EIF2B1: variants seen among roughly 807,000 people sequenced by gnomAD.
EIF2B1 encodes eukaryotic translation initiation factor 2B subunit alpha, also known as translation initiation factor eIF2B subunit alpha.
A neutral mutation model predicts 36.8 loss-of-function variants in EIF2B1; 30 were observed. The ratio of observed to expected loss-of-function variants is 0.81; its 90% CI spans 0.61 to 1.10. The LOEUF (loss-of-function observed/expected upper bound fraction) is 1.10. Ranked by LOEUF, EIF2B1 falls within the 50% of genes least tolerant of loss-of-function variation. EIF2B1 has a pLI of 0.00. For synonymous variants in EIF2B1, 139 were observed against 142.2 expected, an observed-to-expected ratio of 0.98 and a Z score of 0.16; for missense variants, 271 against 374.8, an observed-to-expected ratio of 0.72 and a Z score of 2.29.
intron 7 of EIF2B1, among the ~76,000 whole-genome samples, chr12:123,623,276 C>CT: frequency 6.6e-6 from 1 of 151,878 alleles, no homozygotes; most frequent in Non-Finnish European, 1.5e-5. Flanking sequence ...ATCCCAGCTA[C>CT]TAGGGAGGCT....
At chr12:123,624,162 G>A (rs1321388847) in intron 7 of EIF2B1, among the ~76,000 whole-genome samples, 1 of 149,188 alleles carries the variant, frequency 6.7e-6, no homozygotes, top group Non-Finnish European at 1.5e-5. Flanking sequence ...GTATATATAT[G>A]CATAAATAAA....
intron 6 of EIF2B1, among the ~76,000 whole-genome samples, 153 bp from the exon 7 acceptor site, chr12:123,625,015 T>C (rs1955137907): frequency 6.6e-6 from 1 of 152,152 alleles, no homozygotes; most frequent in Admixed American, 6.5e-5. Flanking sequence ...GATAGACCCC[T>C]GGCATTGTTA....
Position 123,621,438 on chromosome 12 carries a change from G to T in EIF2B1, c.*318C>A. The T allele has an allele frequency of 2.6e-6, 1 of 387,482 alleles. No individual in the cohort carries two copies. Among genetic ancestry groups the T allele is most frequent in the East Asian group, 6.3e-5 (1 of 15,918 alleles). 24.0% of individuals were successfully genotyped at this position (387,482 alleles called of 1,614,324 possible). Reference sequence around the variant, plus strand: ...GCAGATCAGTCTGGAGTGCAGGGGAGGATGAAGACAGGTGGACTTGGGCTC... The same window carrying T: ...GCAGATCAGTCTGGAGTGCAGGGGATGATGAAGACAGGTGGACTTGGGCTC... On this transcript the variant is annotated 3_prime_UTR_variant, in exon 9 of 9. Coordinates refer to ENST00000424014, the MANE Select transcript of EIF2B1 (RefSeq NM_001414.4).
intron 7 of EIF2B1, among the ~76,000 whole-genome samples, chr12:123,624,435 T>C (rs1955132923): frequency 6.6e-6 from 1 of 151,984 alleles, no homozygotes. Context: ...ATTTTTCTAA[T>C]TTTTTGTAGA....
intron 6 of EIF2B1, 54 bp from the exon 7 acceptor site, chr12:123,624,916 A>G (rs1174582780): frequency 6.2e-6 from 9 of 1,461,636 alleles, no homozygotes; most frequent in East Asian, 2.3e-5. Flanking sequence ...AACGAGTAGC[A>G]TCATCATCTG....
chr12:123,624,208 C>A (rs1202016058), intron 7 of EIF2B1, among the ~76,000 whole-genome samples: 1 of 148,976 alleles, frequency 6.7e-6, no homozygotes, highest in East Asian at 1.9e-4. Flanking sequence ...AAAAACCAGA[C>A]AAACCCCAAT....
intron 6 of EIF2B1, among the ~76,000 whole-genome samples, 187 bp from the exon 7 acceptor site, chr12:123,625,049 C>T (rs1955138138): frequency 6.6e-6 from 1 of 151,980 alleles, no homozygotes; most frequent in East Asian, 1.9e-4. Context: ...CTGGTCATGA[C>T]CCTACAATGA....
intron 7 of EIF2B1, among the ~76,000 whole-genome samples, 190 bp from the exon 8 acceptor site, chr12:123,622,951 A>G (rs529618630): frequency 6.6e-6 from 1 of 152,160 alleles, no homozygotes; most frequent in South Asian, 2.1e-4. Context: ...CTCAATTACA[A>G]TAAAGGAACA....
Position 123,624,784 on chromosome 12 carries a change from T to TA in EIF2B1, c.627+2dup. 2 of 1,613,660 alleles carry TA rather than the reference T, an allele frequency of 1.2e-6. No homozygotes were observed. Among genetic ancestry groups the TA allele is most frequent in the Non-Finnish European group, 8.5e-7 (1 of 1,179,598 alleles). On this transcript the variant is annotated splice_region_variant and intron_variant, in intron 7 of 8. Transcript: ENST00000424014. ...GGGAACTGGGGAGAACTGATGCTCT[T>TA]ACCTTGTTAATAATTCCTCCGTTTT...
In EIF2B1 at chr12:123,633,663, A is replaced by C; in HGVS notation, c.-106T>G. ...GAGCCAGTCTGACAGCGCGCTGCAC[A>C]CCTCCGCACCCCACTTCCGGCGCAC... On this transcript the variant is annotated 5_prime_UTR_variant, in exon 1 of 9. Transcript: ENST00000424014. The C allele has an allele frequency of 6.5e-7, 1 of 1,541,722 alleles. No individual in the cohort carries two copies. Among genetic ancestry groups the C allele is most frequent in the Non-Finnish European group, 8.9e-7 (1 of 1,128,894 alleles).
rs769746532 is a variant in EIF2B1, at chr12:123,630,499, G to A, written c.150C>T (p.Thr50=). 1 of 1,613,434 alleles carries A rather than the reference G, an allele frequency of 6.2e-7. No homozygotes were observed. The highest frequency in any genetic ancestry group is 8.5e-7 in the Non-Finnish European group (1 of 1,179,942). The change falls in exon 3 of 9, where the codon ACC becomes ACT. Residue 50 remains threonine, a synonymous_variant. Transcript: ENST00000424014. The surrounding 1 kb of genome is among the most constrained non-coding windows in gnomAD (Gnocchi z 4.6). Reference sequence around the variant, plus strand: ...CACCACACAGGGTTTCTATGGCACTGGTGAGATTCGCCCTCAGACCCTGGA... The same window carrying A: ...CACCACACAGGGTTTCTATGGCACTAGTGAGATTCGCCCTCAGACCCTGGA... ...ETIQGLRANL[T]SAIETLCGVD...
rs373429238 is a variant in EIF2B1, at chr12:123,633,602, G to C, written c.-45C>G. ...GCCCCAGGGGACCCGAGCCGCCCGC[G>C]CTGTCTCGAACGGGTCCGCCGGCCG... On this transcript the variant is annotated 5_prime_UTR_variant, in exon 1 of 9. Transcript: ENST00000424014. The C allele has an allele frequency of 6.2e-7, 1 of 1,604,226 alleles. No homozygotes were observed. The highest frequency in any genetic ancestry group is 1.3e-5 in the African/African-American group (1 of 75,020).
In EIF2B1 at chr12:123,621,864, A is replaced by G. The variant is rs1461749656; in HGVS notation, c.810T>C (p.His270=). 7 of 1,614,062 alleles carry G rather than the reference A, an allele frequency of 4.3e-6. No individual in the cohort carries two copies. The highest frequency in any genetic ancestry group is 5.9e-6 in the Non-Finnish European group (7 of 1,180,016). ...AAGGGGCAGTGTAGTCGACCCACGG[A>G]TGCTCCTCTTTGAGGTCTTGTCCAG... ...AQTGQDLKEE[H]PWVDYTAPSL... Residue 270 remains histidine, a synonymous_variant, in exon 9 of 9, where the codon CAT becomes CAC. Coordinates refer to ENST00000424014, the MANE Select transcript of EIF2B1 (RefSeq NM_001414.4).
intron 4 of EIF2B1, among the ~76,000 whole-genome samples, chr12:123,628,351 C>CTTTTTT (rs958119194): frequency 1.3e-4 from 10 of 74,968 alleles, no homozygotes; most frequent in Non-Finnish European, 1.8e-4. Context: ...CCCATAACCT[C>CTTTTTT]TTTTTTTTTT....
chr12:123,632,570 T>C (rs1283257964), intron 1 of EIF2B1, 124 bp from the exon 2 acceptor site: 3 of 735,968 alleles, frequency 4.1e-6, no homozygotes, highest in African/African-American at 3.5e-5. Flanking sequence ...TTTAGGGTAT[T>C]TGGTTTCAGG....
chr12:123,620,933 G>C lies in EIF2B1; in HGVS notation c.*823C>G, dbSNP rs1955084817. 1 of 152,092 alleles carries C rather than the reference G, an allele frequency of 6.6e-6. No homozygotes were observed. The highest frequency in any genetic ancestry group is 2.4e-5 in the African/African-American group (1 of 41,408). 9.4% of individuals were successfully genotyped at this position (152,092 alleles called of 1,614,324 possible). A position where few individuals can be genotyped will look rare whatever the true frequency, so the allele number is the denominator to read the frequency against. On this transcript the variant is annotated 3_prime_UTR_variant, in exon 9 of 9. Coordinates refer to ENST00000424014, the MANE Select transcript of EIF2B1 (RefSeq NM_001414.4). ...CCTCCTGTTGAATAAATGGTGTCCT[G>C]ATTGCCTGGGTCTTAAGTGTGTAAA... is the stretch of plus-strand genomic sequence containing the variant.
intron 8 of EIF2B1, among the ~76,000 whole-genome samples, 188 bp downstream of exon 8, chr12:123,622,448 A>T (rs1955110531): frequency 1.3e-5 from 2 of 152,324 alleles, no homozygotes; most frequent in African/African-American, 4.8e-5. Context: ...GGTGCTACTT[A>T]AAGAGACTGA....
chr12:123,633,143 T>C (rs930168141), intron 1 of EIF2B1, among the ~76,000 whole-genome samples: 1 of 151,252 alleles, frequency 6.6e-6, no homozygotes, highest in African/African-American at 2.4e-5. Flanking sequence ...TACACATATA[T>C]GTTACAAATA....
At chr12:123,626,884 A>G (rs1300243612) in intron 5 of EIF2B1, 160 bp downstream of exon 5, 1 of 741,982 alleles carries the variant, frequency 1.3e-6, no homozygotes. Context: ...CTGCAAATTC[A>G]GTGATTTTTC....
Sources: gnomAD v4.1 joint callset for allele counts (sites outside exome capture counted in the v4.1 genomes callset) on GRCh38, gnomAD v4.1.1 for gene constraint, Gnocchi (gnomAD v3.1) non-coding constraint, MANE v1.5 for transcripts, NCBI Gene and HGNC (gene_info 2026-07-23, HGNC 2026-07-21) for gene names.